The following TUB variants were observed in gnomAD, a reference collection of about 807,000 sequenced individuals.
The protein encoded by TUB is tubby protein homolog.
TUB carries 33 observed loss-of-function variants against 59.7 expected under a neutral mutation model. The observed-to-expected ratio is 0.55, with a 90% CI of 0.42 to 0.74. TUB has a LOEUF of 0.74. Ranked by LOEUF, TUB falls within the 30% of genes least tolerant of loss-of-function variation. The pLI is 0.00. For synonymous variants in TUB, 293 were observed against 256.4 expected, an observed-to-expected ratio of 1.14 and a Z score of -1.36; for missense variants, 659 against 672.0, an observed-to-expected ratio of 0.98 and a Z score of 0.21.
In TUB at chr11:8,056,635, G is replaced by T. The variant is rs542066410; in HGVS notation, c.203+16943G>T. Reference sequence around the variant, plus strand: ...ATATGCGCATGGGAGCCTTTGTGGGGTGTGGTTTGGGTATGCAGGTAGGCT... The same window carrying T: ...ATATGCGCATGGGAGCCTTTGTGGGTTGTGGTTTGGGTATGCAGGTAGGCT... On this transcript the variant is annotated intron_variant, in intron 2 of 12. Transcript: ENST00000305253. Among the ~76,000 whole-genome samples the T allele has an allele frequency of 4.6e-5, 7 of 152,208 alleles. No homozygotes were observed. In the East Asian group the frequency reaches 1.2e-3, roughly 25 times the overall value.
At chr11:8,074,606 G>A (rs1340989073) in intron 2 of TUB, among the ~76,000 whole-genome samples, 6 of 151,860 alleles carry the variant, frequency 4.0e-5, no homozygotes, top group Non-Finnish European at 8.8e-5. Flanking sequence ...AGGTGTGGTG[G>A]TTCACACCTG....
intron 1 of TUB, among the ~76,000 whole-genome samples, chr11:8,020,678 C>G (rs1942411244): frequency 6.6e-6 from 1 of 152,152 alleles, no homozygotes; most frequent in Non-Finnish European, 1.5e-5. Context: ...TTCATCAGCC[C>G]TTCCTTGCAC....
At chr11:8,080,253 G>T (rs1943522704), upstream of TUB, among the ~76,000 whole-genome samples, 1 of 152,220 alleles carries the variant, frequency 6.6e-6, no homozygotes, top group Admixed American at 6.5e-5. Flanking sequence ...GGGCGTGTGG[G>T]GACCGTGCCC....
At chr11:8,100,693 G>A (rs1192870011) in intron 10 of TUB, 92 bp downstream of exon 10, 4 of 1,482,318 alleles carry the variant, frequency 2.7e-6, no homozygotes, top group African/African-American at 3.3e-5. Flanking sequence ...GTGTGTATGT[G>A]GAGGGGTACC....
chr11:8,082,232 C>G (rs1031637018), intron 1 of TUB, among the ~76,000 whole-genome samples: 2 of 152,136 alleles, frequency 1.3e-5, no homozygotes. Context: ...CACCAGCTCA[C>G]AGTACATAGA....
intron 2 of TUB, among the ~76,000 whole-genome samples, chr11:8,066,219 AG>A (rs1256189133): frequency 6.6e-6 from 1 of 152,164 alleles, no homozygotes; most frequent in African/African-American, 2.4e-5. Flanking sequence ...CAGAACCAAC[AG>A]GTCTGCTCAG....
intron 2 of TUB, among the ~76,000 whole-genome samples, chr11:8,055,161 G>C (rs911722583): frequency 1.3e-5 from 2 of 152,224 alleles, no homozygotes; most frequent in African/African-American, 2.4e-5. Flanking sequence ...CCAGGATGTA[G>C]AGTCTAGAGA....
chr11:8,066,840 A>C (rs935313222), intron 2 of TUB, among the ~76,000 whole-genome samples: 1 of 152,166 alleles, frequency 6.6e-6, no homozygotes, highest in Non-Finnish European at 1.5e-5. Context: ...CAGCCCCTGC[A>C]CTTTGCAAAT....
At chr11:8,092,259 T>C (rs544632301) in intron 3 of TUB, among the ~76,000 whole-genome samples, 6 of 152,016 alleles carry the variant, frequency 3.9e-5, no homozygotes, top group Non-Finnish European at 2.9e-5. Context: ...CTGGGTAACA[T>C]AGTGAGACCC....
chr11:8,067,126 C>T (rs567026059), intron 2 of TUB, among the ~76,000 whole-genome samples: 8 of 152,210 alleles, frequency 5.3e-5, no homozygotes, highest in African/African-American at 1.2e-4. Context: ...GGCCTCACTC[C>T]GTAAGTCTGA....
At position 8,100,942 on chromosome 11, in the gene TUB, T is replaced by C. The variant is rs1210707459; in HGVS notation, c.1332T>C (p.His444=). 1.2e-6 allele frequency: 2 copies of C among 1,614,154 alleles called. No individual in the cohort carries two copies. The highest frequency in any genetic ancestry group is 1.7e-6 in the Non-Finnish European group (2 of 1,180,032). ...DDTQSYVLNF[H]GRVTQASVKN... is the part of the protein sequence containing the mutation. ...CACAGTCCTATGTACTCAACTTCCATGGGCGCGTCACACAGGCCTCCGTGA... is the reference window on the plus strand; with the variant it reads ...CACAGTCCTATGTACTCAACTTCCACGGGCGCGTCACACAGGCCTCCGTGA... Residue 444 remains histidine, a synonymous_variant, in exon 11 of 12, where the codon CAT becomes CAC. Transcript: ENST00000299506.
rs74517548 is a variant in TUB, at chr11:8,049,283, C to T, written c.203+9591C>T. 7.5e-3 allele frequency among the ~76,000 whole-genome samples: 1,146 copies of T among 152,306 alleles called. 8 individuals carry two copies. Among genetic ancestry groups the T allele is most frequent in the Non-Finnish European group, 0.012 (792 of 68,026 alleles). On this transcript the variant is annotated intron_variant, in intron 2 of 12. Transcript: ENST00000305253. ...CCAGTAGGAAGAGCTGAGGCTTCCA[C>T]AGCTCAGACCCCATGGTGTGTCATC...
At chr11:8,039,786 G>A (rs1942714989) in intron 2 of TUB, 2 of 1,149,178 alleles carry the variant, frequency 1.7e-6, no homozygotes, top group African/African-American at 1.6e-5. Flanking sequence ...GGTGGCTCAG[G>A]GGCCATGAAC....
chr11:8,100,531 C>T lies in TUB; in HGVS notation c.1145C>T (p.Pro382Leu). The change falls in exon 10 of 12, where the codon CCT (proline) becomes CTT (leucine). Residue 382 changes from proline to leucine, a missense_variant. Pro to Leu is a moderately conservative substitution (Grantham distance 98). Around this residue, in one of 3 missense-constraint regions of TUB, gnomAD observed 226 missense variants for 210.8 expected, o/e 1.07. Transcript: ENST00000299506. The part of the protein sequence containing the change: ...YETNVLGFKG[P>L]RKMSVIVPGM... ...ACAAACGTCTTAGGCTTCAAGGGGC[C>T]TCGGAAGATGAGCGTGATTGTCCCA... The T allele has an allele frequency of 6.2e-7, 1 of 1,614,090 alleles. No individual in the cohort carries two copies. The highest frequency in any genetic ancestry group is 8.5e-7 in the Non-Finnish European group (1 of 1,180,006).
chr11:8,030,504 C>T (rs1564896231), intron 1 of TUB, among the ~76,000 whole-genome samples: 1 of 152,068 alleles, frequency 6.6e-6, no homozygotes, highest in Non-Finnish European at 1.5e-5. Flanking sequence ...TGTTCCTCTG[C>T]AGCCTTGGGC....
intron 10 of TUB, 81 bp from the exon 11 acceptor site, chr11:8,100,745 C>T (rs1294636182): frequency 2.0e-5 from 31 of 1,583,460 alleles, no homozygotes; most frequent in East Asian, 6.7e-5. Context: ...CCAAGGACCC[C>T]CATTCCCGGG....
chr11:8,101,854 A>C lies in TUB; in HGVS notation c.*235A>C. ...TGAAGGGATGAGAATAATTCTTTCC[A>C]TGCCACGAGATCAACACACACTCCC... On this transcript the variant is annotated 3_prime_UTR_variant, in exon 12 of 12. Coordinates refer to ENST00000299506, the MANE Select transcript of TUB (RefSeq NM_177972.3). 4.7e-5 allele frequency: 22 copies of C among 468,428 alleles called. No homozygotes were observed. Among genetic ancestry groups the C allele is most frequent in the Admixed American group, 1.3e-4 (3 of 23,724 alleles). The allele number at this position is 468,428 out of a possible 1,614,324, so 29.0% of individuals were successfully genotyped here.
rs1296185636 is a variant in TUB at position 8,093,552 on chromosome 11, AGTT to A, written c.254-487_254-485del. 6.6e-5 allele frequency among the ~76,000 whole-genome samples: 10 copies of A among 152,092 alleles called. 1 individual carries two copies. Among genetic ancestry groups the A allele is most frequent in the African/African-American group, 2.2e-4 (9 of 41,490 alleles). On this transcript the variant is annotated intron_variant, in intron 3 of 11. Transcript: ENST00000299506. ...GTGCCTGTAGCTTCTTGTGTCCCAG[AGTT>A]GTTGTTCTGAGCACTCCTACACCCC... is the stretch of plus-strand genomic sequence containing the variant.
Position 8,098,867 on chromosome 11 carries a change from G to A in TUB, c.1108G>A (p.Val370Met). The A allele has an allele frequency of 6.2e-7, 1 of 1,612,644 alleles. No individual in the cohort carries two copies. Among genetic ancestry groups the A allele is most frequent in the South Asian group, 1.1e-5 (1 of 91,052 alleles). Residue 370 changes from valine to methionine, a missense_variant, in exon 9 of 12, where the codon GTG becomes ATG. Val to Met is a conservative substitution (Grantham distance 21). This residue lies in a region of TUB where 226 missense variants were observed against 210.8 expected (regional missense o/e 1.07). Transcript: ENST00000299506. ...AACCTTACGTCAGGAGCTGGCAGCT[G>A]TGTGCTACGTGAGTCCTAGGTTCGG... Reference protein sequence around the residue: ...SGTLRQELAAVCYETNVLGFK... With the variant: ...SGTLRQELAAMCYETNVLGFK...
Sources: gnomAD v4.1 joint callset for allele counts (sites outside exome capture counted in the v4.1 genomes callset) on GRCh38, gnomAD v4.1.1 for gene constraint, gnomAD v4.1.1 regional missense constraint, MANE v1.5 for transcripts, NCBI Gene and HGNC (gene_info 2026-07-23, HGNC 2026-07-21) for gene names.